KPNA7: variants seen among roughly 807,000 people sequenced by gnomAD.
The protein encoded by KPNA7 is karyopherin subunit alpha 7.
A neutral mutation model predicts 53.7 loss-of-function variants in KPNA7; 54 were observed. The observed-to-expected ratio is 1.01, with a 90% confidence interval of 0.81 to 1.26. The LOEUF is 1.26. Among genes scored for constraint, KPNA7 ranks in the 50% most tolerant of loss-of-function variants. KPNA7 has a pLI of 0.00. For missense variants in KPNA7, 640 were observed against 644.5 expected (o/e 0.99, Z 0.07); for synonymous variants, 276 against 259.3 (o/e 1.06, Z -0.62).
At chr7:99,207,296 G>A (rs893818976) in intron 2 of KPNA7, 105 bp downstream of exon 2, 59 of 881,506 alleles carry the variant, frequency 6.7e-5, no homozygotes, top group Middle Eastern at 2.7e-4. Flanking sequence ...GCCTCTCAAA[G>A]TGTTGGGATT....
At chr7:99,173,252 T>C (rs1387068739), downstream of KPNA7, among the ~76,000 whole-genome samples, 2 of 152,016 alleles carry the variant, frequency 1.3e-5, no homozygotes, top group East Asian at 1.9e-4. Flanking sequence ...GTACAATGGC[T>C]CCATCTCAGT....
chr7:99,200,150 G>A (rs561478886), intron 3 of KPNA7, among the ~76,000 whole-genome samples: 37 of 152,262 alleles, frequency 2.4e-4, no homozygotes, highest in Middle Eastern at 3.4e-3. Context: ...TGATCCATCC[G>A]CCTCAGCCTC....
At chr7:99,184,795 C>T in intron 8 of KPNA7, 134 bp downstream of exon 8, 2 of 742,278 alleles carry the variant, frequency 2.7e-6, no homozygotes, top group Non-Finnish European at 4.5e-6. Flanking sequence ...TCAGGCAAAG[C>T]TAGGACTCTG....
At chr7:99,166,572 C>T in the KPNA7 span, among the ~76,000 whole-genome samples, 1,792 of 152,120 alleles carry the variant, frequency 0.012, 35 homozygotes, top group African/African-American at 0.041. Context: ...GCCTCAGGCT[C>T]CCAAACTGCT....
chr7:99,201,973 G>A (rs950477926), intron 3 of KPNA7, among the ~76,000 whole-genome samples: 2 of 152,106 alleles, frequency 1.3e-5, no homozygotes, highest in African/African-American at 4.8e-5. Context: ...CTCCCAAAGT[G>A]CTAGGACTAC....
the KPNA7 span, among the ~76,000 whole-genome samples, chr7:99,155,247 A>T: frequency 6.6e-6 from 1 of 152,144 alleles, no homozygotes; most frequent in Non-Finnish European, 1.5e-5. Context: ...ATCAGCTTGT[A>T]GCTTATGATC....
chr7:99,156,397 G>A, the KPNA7 span, among the ~76,000 whole-genome samples: 7 of 152,206 alleles, frequency 4.6e-5, no homozygotes, highest in East Asian at 9.6e-4. Flanking sequence ...TCTGGAAAGA[G>A]TCTTCTGTTT....
At chr7:99,196,727 G>A (rs570977052) in intron 3 of KPNA7, among the ~76,000 whole-genome samples, 23 of 151,820 alleles carry the variant, frequency 1.5e-4, no homozygotes, top group African/African-American at 5.3e-4. Flanking sequence ...AAAACCAACA[G>A]CCTCCCAACC....
At chr7:99,198,583 A>G (rs1790347640) in intron 3 of KPNA7, among the ~76,000 whole-genome samples, 1 of 152,166 alleles carries the variant, frequency 6.6e-6, no homozygotes, top group African/African-American at 2.4e-5. Flanking sequence ...ACATACTTCC[A>G]TAATAAAAAA....
At chr7:99,168,898 C>T (rs1298785256), downstream of KPNA7, among the ~76,000 whole-genome samples, 1 of 152,170 alleles carries the variant, frequency 6.6e-6, no homozygotes, top group Non-Finnish European at 1.5e-5. Context: ...CCTGAACTCT[C>T]CATTAATGTA....
intron 10 of KPNA7, among the ~76,000 whole-genome samples, chr7:99,174,815 T>A (rs1299111189): frequency 1.4e-5 from 2 of 138,050 alleles, no homozygotes; most frequent in Admixed American, 6.9e-5. Flanking sequence ...TCTTATTTAT[T>A]ATTTTTTTTT....
intron 1 of KPNA7, among the ~76,000 whole-genome samples, chr7:99,218,470 G>A (rs527243878): frequency 4.1e-4 from 63 of 152,176 alleles, no homozygotes; most frequent in East Asian, 9.7e-4. Context: ...ACAACATCCC[G>A]GGGAGTACTT....
chr7:99,201,772 G>A (rs775590163), intron 3 of KPNA7, among the ~76,000 whole-genome samples: 3 of 151,910 alleles, frequency 2.0e-5, no homozygotes, highest in Admixed American at 6.6e-5. Flanking sequence ...GCAGTGGCAC[G>A]ATCTTGACTT....
At chr7:99,165,754 CAG>C in the KPNA7 span, among the ~76,000 whole-genome samples, 2 of 152,136 alleles carry the variant, frequency 1.3e-5, no homozygotes, top group East Asian at 1.9e-4. Flanking sequence ...CCCTTTGAGA[CAG>C]AGTCTTGCTA....
intron 2 of KPNA7, among the ~76,000 whole-genome samples, chr7:99,205,248 C>T (rs918922146): frequency 6.6e-6 from 1 of 150,430 alleles, no homozygotes; most frequent in Non-Finnish European, 1.5e-5. Context: ...ATGTTGAAAC[C>T]CCATCTCTAC....
At chr7:99,176,312 AGAAAGAAAG>A (rs369742170) in intron 10 of KPNA7, among the ~76,000 whole-genome samples, 61,074 of 117,686 alleles carry the variant, frequency 0.52, 18,216 homozygotes, top group Non-Finnish European at 0.63. Flanking sequence ...AAAAAAAAAA[AGAAAGAAAG>A]AAAGAAAGAA....
At chr7:99,202,760 G>A (rs955991816) in intron 3 of KPNA7, among the ~76,000 whole-genome samples, 5 of 152,042 alleles carry the variant, frequency 3.3e-5, no homozygotes, top group African/African-American at 9.7e-5. Flanking sequence ...CAGGAGGTTC[G>A]CTTGAACCCA....
chr7:99,203,358 G>T lies in KPNA7; in HGVS notation c.67-118C>A, dbSNP rs569309121. 13 of 1,004,534 alleles carry T rather than the reference G, an allele frequency of 1.3e-5. No homozygotes were observed. In the Middle Eastern group the frequency reaches 1.3e-3, roughly 102 times the overall value. The allele number at this position is 1,004,534 out of a possible 1,614,324, so 62.2% of individuals were successfully genotyped here. On this transcript the variant is annotated intron_variant, in intron 2 of 10. Transcript: ENST00000327442. Reference sequence around the variant, plus strand: ...TTTACAGATACAATAGGCTGGAAAAGTTCAGATCACACAGTTAGTAAATCA... The same window carrying T: ...TTTACAGATACAATAGGCTGGAAAATTTCAGATCACACAGTTAGTAAATCA...
chr7:99,169,303 A>G (rs1415713306), downstream of KPNA7, among the ~76,000 whole-genome samples: 1 of 152,164 alleles, frequency 6.6e-6, no homozygotes, highest in Non-Finnish European at 1.5e-5. Context: ...AAACTGAGAA[A>G]AATGAGTATT....
Sources: allele counts gnomAD v4.1 joint callset (sites outside exome capture counted in the v4.1 genomes callset), GRCh38; gene constraint gnomAD v4.1.1; transcripts MANE v1.5; gene names NCBI Gene and HGNC (gene_info 2026-07-23, HGNC 2026-07-21).